Variants in GPR160 observed in about 807,000 individuals in gnomAD.
The protein encoded by GPR160 is probable G protein-coupled receptor 160.
A neutral mutation model predicts 2.6 loss-of-function variants in GPR160; 2 were observed. That is an observed-to-expected ratio of 0.77 (90% CI 0.32 to 2.44). GPR160 has a LOEUF of 2.44. Among genes scored for constraint, GPR160 ranks in the 30% most tolerant of loss-of-function variants. The pLI is 0.11. For missense variants in GPR160, 351 were observed against 383.6 expected (o/e 0.91, Z 0.71); for synonymous variants, 130 against 132.2 (o/e 0.98, Z 0.12).
chr3:170,056,483 GGTTA>G lies in GPR160; in HGVS notation c.-193+17442_-193+17445del, dbSNP rs1711648319. Among the ~76,000 whole-genome samples the G allele has an allele frequency of 2.0e-5, 3 of 152,158 alleles. No individual in the cohort carries two copies. In the South Asian group the frequency reaches 6.2e-4, roughly 32 times the overall value. The stretch of plus-strand genomic sequence containing the variant: ...TAATCAATAACAGCCCGGGGAAACA[GGTTA>G]GCTCACATGATACCACAGTTAGACG... On this transcript the variant is annotated intron_variant, in intron 2 of 3. Coordinates refer to ENST00000355897, the MANE Select transcript of GPR160 (RefSeq NM_014373.3).
intron 2 of GPR160, among the ~76,000 whole-genome samples, chr3:170,071,248 A>G (rs1245904396): frequency 6.6e-6 from 1 of 152,138 alleles, no homozygotes; most frequent in Non-Finnish European, 1.5e-5. Flanking sequence ...ATGGGGGCAG[A>G]TCCCTCATGA....
intron 2 of GPR160, chr3:170,077,820 CCTTT>C (rs1712939501): frequency 6.4e-6 from 1 of 155,172 alleles, no homozygotes; most frequent in Non-Finnish European, 1.4e-5. Context: ...TCTGAGTACT[CCTTT>C]CTTCAGTTGC....
intron 3 of GPR160, among the ~76,000 whole-genome samples, chr3:170,080,844 G>T (rs971417577): frequency 9.2e-5 from 14 of 152,176 alleles, no homozygotes; most frequent in South Asian, 4.1e-4. Context: ...GGAACTATAG[G>T]CCCCCACCAC....
rs922344885 is a variant in GPR160 at position 170,084,104 on chromosome 3, A to C, written c.132A>C (p.Gly44=). 1.3e-6 allele frequency: 2 copies of C among 1,595,212 alleles called. No individual in the cohort carries two copies. Among genetic ancestry groups the C allele is most frequent in the Non-Finnish European group, 1.7e-6 (2 of 1,169,130 alleles). The change falls in exon 4 of 4, where the codon GGA becomes GGC. Residue 44 remains glycine, a synonymous_variant. Transcript: ENST00000355897. ...TATTATTAAATATCCTTACACTAGG[A>C]ATGAGAAGAAAAAACACCTGTCAAA... is the stretch of plus-strand genomic sequence containing the variant. ...GKILLNILTL[G]MRRKNTCQNF...
At chr3:170,078,791 C>T (rs1479283896) in intron 2 of GPR160, among the ~76,000 whole-genome samples, 1 of 152,162 alleles carries the variant, frequency 6.6e-6, no homozygotes, top group African/African-American at 2.4e-5. Context: ...CACATCTGTA[C>T]TCTTCAATCA....
intron 2 of GPR160, among the ~76,000 whole-genome samples, chr3:170,052,914 C>CA (rs1717018801): frequency 6.6e-6 from 1 of 151,102 alleles, no homozygotes; most frequent in Non-Finnish European, 1.5e-5. Flanking sequence ...AGTTAAGGTC[C>CA]TTTTTTTTTC....
rs142060073 is a variant in GPR160 at position 170,052,704 on chromosome 3, TATG to T, written c.-193+13666_-193+13668del. Among the ~76,000 whole-genome samples, 18 of 152,350 alleles carry T rather than the reference TATG, an allele frequency of 1.2e-4. No homozygotes were observed. In the East Asian group the frequency reaches 3.3e-3, roughly 28 times the overall value. On this transcript the variant is annotated intron_variant, in intron 2 of 3. Coordinates refer to ENST00000355897, the MANE Select transcript of GPR160 (RefSeq NM_014373.3). ...GTCTGTAATTGCCTTTTCATTTTCT[TATG>T]ATGAACAGAAGAATCTAATTTTAAT...
intron 3 of GPR160, chr3:170,083,671 A>G (rs930929035): frequency 1.4e-5 from 3 of 214,432 alleles, no homozygotes; most frequent in East Asian, 1.0e-4. Flanking sequence ...TAATTTATAT[A>G]TAACATTTTG....
At chr3:170,058,296 G>A (rs554943105) in intron 2 of GPR160, among the ~76,000 whole-genome samples, 1 of 152,288 alleles carries the variant, frequency 6.6e-6, no homozygotes, top group African/African-American at 2.4e-5. Flanking sequence ...GCACCCATAT[G>A]GGTTTCAGAA....
intron 2 of GPR160, among the ~76,000 whole-genome samples, chr3:170,042,674 A>T (rs10936610): frequency 0.18 from 25,786 of 146,418 alleles, 2,798 homozygotes; most frequent in African/African-American, 0.3. Context: ...ACAAAAAAAA[A>T]AAATAAATAA....
At chr3:170,063,764 A>G (rs968130918) in intron 2 of GPR160, among the ~76,000 whole-genome samples, 2 of 152,060 alleles carry the variant, frequency 1.3e-5, no homozygotes, top group African/African-American at 4.8e-5. Flanking sequence ...TTTGAAGTGT[A>G]TGAATATATT....
At chr3:170,045,617 GA>G (rs922104786) in intron 2 of GPR160, among the ~76,000 whole-genome samples, 3 of 149,892 alleles carry the variant, frequency 2.0e-5, no homozygotes, top group African/African-American at 7.3e-5. Flanking sequence ...AAAAAAGAAA[GA>G]AAAAAAAAGA....
intron 2 of GPR160, among the ~76,000 whole-genome samples, chr3:170,070,200 T>G (rs1379856651): frequency 6.6e-6 from 1 of 152,226 alleles, no homozygotes; most frequent in East Asian, 1.9e-4. Flanking sequence ...TTAGTTGATA[T>G]ATCCTAAGTC....
intron 2 of GPR160, among the ~76,000 whole-genome samples, chr3:170,044,323 T>G (rs1484067877): frequency 3.8e-4 from 1 of 2,634 alleles, no homozygotes; most frequent in Admixed American, 3.4e-3. Flanking sequence ...AAACTCCATC[T>G]CAAAAAAAAA....
chr3:170,062,287 G>A (rs1712002578), intron 2 of GPR160: 1 of 204,594 alleles, frequency 4.9e-6, no homozygotes, highest in African/African-American at 2.4e-5. Flanking sequence ...GCAGCAGCGG[G>A]GGTGACAGCG....
chr3:170,063,807 C>T (rs1204007231), intron 2 of GPR160, among the ~76,000 whole-genome samples: 1 of 152,112 alleles, frequency 6.6e-6, no homozygotes, highest in Non-Finnish European at 1.5e-5. Flanking sequence ...TTGTCTTCCC[C>T]GTGCTTTCTC....
At chr3:170,042,984 C>T (rs930106647) in intron 2 of GPR160, among the ~76,000 whole-genome samples, 1 of 150,934 alleles carries the variant, frequency 6.6e-6, no homozygotes, top group African/African-American at 2.4e-5. Context: ...CGGATTCATG[C>T]CATTCTCCTG....
At chr3:170,082,520 T>C (rs1380525384) in intron 3 of GPR160, among the ~76,000 whole-genome samples, 1 of 152,216 alleles carries the variant, frequency 6.6e-6, no homozygotes, top group East Asian at 1.9e-4. Flanking sequence ...GGATTAGGGA[T>C]GCATTCAAGA....
At chr3:170,074,352 C>T (rs1712747697) in intron 2 of GPR160, among the ~76,000 whole-genome samples, 1 of 151,910 alleles carries the variant, frequency 6.6e-6, no homozygotes, top group East Asian at 1.9e-4. Context: ...TTGGTAATTT[C>T]TTTCTTAATT....
Sources: gnomAD v4.1 joint callset for allele counts (sites outside exome capture counted in the v4.1 genomes callset) on GRCh38, gnomAD v4.1.1 for gene constraint, MANE v1.5 for transcripts, NCBI Gene and HGNC (gene_info 2026-07-23, HGNC 2026-07-21) for gene names.